FRMPD4: variants seen among roughly 807,000 people sequenced by gnomAD.
FRMPD4 encodes FERM and PDZ domain containing 4, also known as FERM and PDZ domain-containing protein 4.
In FRMPD4, 22 loss-of-function variants were observed where a neutral mutation model predicts 94.1. The observed-to-expected ratio is 0.23, with a 90% CI of 0.17 to 0.33. The LOEUF (loss-of-function observed/expected upper bound fraction) is 0.33. Among genes scored for constraint, FRMPD4 ranks in the 10% least tolerant of loss-of-function variants. The probability of loss-of-function intolerance (pLI) is 1.00; values close to 1 mark genes in which losing one functional copy is unlikely to be tolerated. For synonymous variants in FRMPD4, 631 were observed against 548.6 expected (o/e 1.15, Z -2.10); for missense variants, 1,111 against 1,339.9 (o/e 0.83, Z 2.67).
chrX:12,149,423 A>G (rs1442098643), intron 1 of FRMPD4, among the ~76,000 whole-genome samples: 2 of 111,450 alleles, frequency 1.8e-5, no homozygotes, highest in Admixed American at 9.6e-5. Context: ...GTTGATTCCA[A>G]CCCTCATAGA....
chrX:11,849,595 G>C (rs1261313380), intron 1 of FRMPD4, among the ~76,000 whole-genome samples: 4 of 109,798 alleles, frequency 3.6e-5, no homozygotes, highest in East Asian at 2.8e-4. Context: ...ATAGAATAGA[G>C]AGCCCAAAAA....
At chrX:12,712,895 G>A (rs939547372) in intron 14 of FRMPD4, among the ~76,000 whole-genome samples, 20 of 109,937 alleles carry the variant, frequency 1.8e-4, no homozygotes, top group Admixed American at 8.7e-4. Context: ...GAGCAACAAA[G>A]TGAGACACTG....
chrX:12,235,881 G>A (rs976072005), intron 1 of FRMPD4, among the ~76,000 whole-genome samples: 6 of 111,780 alleles, frequency 5.4e-5, no homozygotes, highest in African/African-American at 2.0e-4. Context: ...TGTAAATGAG[G>A]ATAATAGTGC....
chrX:12,568,069 G>A (rs1287687880), intron 2 of FRMPD4, among the ~76,000 whole-genome samples: 1 of 111,230 alleles, frequency 9.0e-6, no homozygotes, highest in Non-Finnish European at 1.9e-5. Context: ...AGGGCTCAGT[G>A]CTTTGAAAAA....
At chrX:11,824,013 G>A (rs2053426257) in intron 1 of FRMPD4, among the ~76,000 whole-genome samples, 1 of 111,694 alleles carries the variant, frequency 9.0e-6, no homozygotes, top group African/African-American at 3.3e-5. Context: ...TTCTTATTCT[G>A]GCTCTACCAT....
intron 1 of FRMPD4, among the ~76,000 whole-genome samples, chrX:12,163,623 G>A (rs556891171): frequency 1.3e-4 from 15 of 111,960 alleles, no homozygotes; most frequent in Middle Eastern, 9.3e-3. Context: ...ACTTGCCAAC[G>A]TGCTATTCCT....
intron 3 of FRMPD4, among the ~76,000 whole-genome samples, chrX:11,906,373 T>A (rs1464486945): frequency 9.1e-6 from 1 of 110,481 alleles, no homozygotes; most frequent in African/African-American, 3.3e-5. Flanking sequence ...GGTCTCGATC[T>A]CCTGACCTTG....
chrX:12,505,750 G>GT (rs1355385020), intron 2 of FRMPD4, among the ~76,000 whole-genome samples: 2 of 68,665 alleles, frequency 2.9e-5, no homozygotes, highest in African/African-American at 1.0e-4. Context: ...AAAAAAAAAA[G>GT]GGGGGGAGAG....
chrX:12,308,174 A>G (rs913391946), intron 1 of FRMPD4, among the ~76,000 whole-genome samples: 13 of 111,433 alleles, frequency 1.2e-4, no homozygotes, highest in Admixed American at 1.9e-4. Context: ...CCATTTCACA[A>G]TCCTCTGGCA....
rs371790923 is a variant in FRMPD4, at chrX:12,551,019, A to G, written c.158+52223A>G. Reference sequence around the variant, plus strand: ...CTCCTGGAGAAACACTGTTTCATATATATTCTATTATTTTTATGTGTCCTT... The same window carrying G: ...CTCCTGGAGAAACACTGTTTCATATGTATTCTATTATTTTTATGTGTCCTT... On this transcript the variant is annotated intron_variant, in intron 2 of 16. Coordinates refer to ENST00000675598, the MANE Select transcript of FRMPD4 (RefSeq NM_001368397.1). 6.3e-5 allele frequency among the ~76,000 whole-genome samples: 7 copies of G among 110,731 alleles called. No individual in the cohort carries two copies. In the East Asian group the frequency reaches 1.7e-3, roughly 27 times the overall value.
At chrX:11,867,339 G>A (rs888025701) in intron 2 of FRMPD4, among the ~76,000 whole-genome samples, 1 of 111,861 alleles carries the variant, frequency 8.9e-6, no homozygotes, top group Admixed American at 9.5e-5. Context: ...TGTTTCTAAT[G>A]CTTGATTCCT....
intron 2 of FRMPD4, among the ~76,000 whole-genome samples, chrX:12,577,107 T>C (rs776021738): frequency 7.1e-5 from 8 of 111,902 alleles, no homozygotes; most frequent in Non-Finnish European, 1.5e-4. Flanking sequence ...GCTCAGTAAA[T>C]GTTTATTAGT....
intron 3 of FRMPD4, among the ~76,000 whole-genome samples, chrX:12,079,204 A>C (rs982799833): frequency 4.6e-4 from 51 of 110,677 alleles, no homozygotes; most frequent in African/African-American, 1.6e-3. Flanking sequence ...TTTCTATAAA[A>C]TAATGGTAGA....
At chrX:12,107,720 T>C (rs1237827402) in intron 3 of FRMPD4, among the ~76,000 whole-genome samples, 1 of 110,731 alleles carries the variant, frequency 9.0e-6, no homozygotes, top group Non-Finnish European at 1.9e-5. Context: ...TGTAGATAAG[T>C]CCTTAAATGA....
At chrX:12,119,316 C>T (rs1433722096) in intron 3 of FRMPD4, among the ~76,000 whole-genome samples, 1 of 111,850 alleles carries the variant, frequency 8.9e-6, no homozygotes, top group Non-Finnish European at 1.9e-5. Flanking sequence ...TGTTTCTTTG[C>T]TTTCTTCCAA....
chrX:12,701,832 C>G, intron 9 of FRMPD4, 42 bp from the exon 10 acceptor site: 1 of 1,197,039 alleles, frequency 8.4e-7, no homozygotes. Flanking sequence ...GCGCTGCGGC[C>G]TATTCTTTGA....
chrX:12,494,338 T>C (rs369353362), intron 1 of FRMPD4, among the ~76,000 whole-genome samples: 2 of 111,903 alleles, frequency 1.8e-5, no homozygotes, highest in South Asian at 3.8e-4. Context: ...CAAAAATCTC[T>C]AGATATTGCT....
intron 1 of FRMPD4, among the ~76,000 whole-genome samples, chrX:12,172,899 A>G (rs968251325): frequency 4.4e-5 from 5 of 112,840 alleles, no homozygotes; most frequent in African/African-American, 1.6e-4. Flanking sequence ...ATTTGCCACT[A>G]TAGCAGTTTT....
chrX:12,129,171 A>T (rs2055525645), intron 3 of FRMPD4, among the ~76,000 whole-genome samples: 2 of 112,040 alleles, frequency 1.8e-5, no homozygotes, highest in Non-Finnish European at 3.8e-5. Context: ...TTACTGTATT[A>T]GTCCATTCTC....
Sources: gnomAD v4.1 joint callset for allele counts (sites outside exome capture counted in the v4.1 genomes callset) on GRCh38, gnomAD v4.1.1 for gene constraint, MANE v1.5 for transcripts, NCBI Gene and HGNC (gene_info 2026-07-23, HGNC 2026-07-21) for gene names.